The following IPO11 variants were observed in gnomAD, a reference collection of about 807,000 sequenced individuals.
IPO11 encodes the protein importin 11.
Under a neutral mutation model 143.2 loss-of-function variants are expected in IPO11, and 66 were observed. The observed-to-expected ratio is 0.46, with a 90% CI of 0.38 to 0.57. The LOEUF is 0.57. Among genes scored for constraint, IPO11 ranks in the 20% least tolerant of loss-of-function variants. The pLI is 0.00. For missense variants in IPO11, 1,026 were observed against 1,141.0 expected (o/e 0.90, Z 1.45); for synonymous variants, 385 against 377.8 (o/e 1.02, Z -0.22).
chr5:62,603,611 C>T (rs1580377302), intron 29 of IPO11, among the ~76,000 whole-genome samples: 1 of 152,206 alleles, frequency 6.6e-6, no homozygotes, highest in Non-Finnish European at 1.5e-5. Flanking sequence ...CACACACTTA[C>T]ACTCAGATGG....
intron 29 of IPO11, among the ~76,000 whole-genome samples, chr5:62,614,632 A>G (rs1328318136): frequency 6.6e-6 from 1 of 152,204 alleles, no homozygotes; most frequent in Admixed American, 6.5e-5. Flanking sequence ...TGCAGGAGCC[A>G]GGGCAAATAC....
At chr5:62,623,763 T>A (rs1746458067) in intron 29 of IPO11, among the ~76,000 whole-genome samples, 1 of 150,070 alleles carries the variant, frequency 6.7e-6, no homozygotes, top group South Asian at 2.2e-4. Flanking sequence ...TACAGGCACA[T>A]GCCACCATGG....
At chr5:62,508,309 T>G (rs1199896310) in intron 19 of IPO11, among the ~76,000 whole-genome samples, 5 of 150,708 alleles carry the variant, frequency 3.3e-5, no homozygotes, top group African/African-American at 1.2e-4. Flanking sequence ...TTTTTTTTTT[T>G]TTTTTTTTTT....
intron 27 of IPO11, among the ~76,000 whole-genome samples, chr5:62,589,554 C>T (rs1398105871): frequency 6.6e-6 from 1 of 152,198 alleles, no homozygotes. Flanking sequence ...ATCTGTCAAA[C>T]CTACCCCTTT....
intron 1 of IPO11, among the ~76,000 whole-genome samples, chr5:62,436,288 C>T (rs1744230465): frequency 6.6e-6 from 1 of 152,150 alleles, no homozygotes; most frequent in Admixed American, 6.5e-5. Flanking sequence ...AATTCATTTG[C>T]TTTGGCTATA....
At chr5:62,420,625 G>T (rs1214232254) in intron 1 of IPO11, among the ~76,000 whole-genome samples, 1 of 151,500 alleles carries the variant, frequency 6.6e-6, no homozygotes, top group African/African-American at 2.4e-5. Flanking sequence ...TGTCACCCAG[G>T]CTGGAGTGCA....
At chr5:62,584,508 G>A (rs1296518526) in intron 27 of IPO11, among the ~76,000 whole-genome samples, 2 of 151,152 alleles carry the variant, frequency 1.3e-5, no homozygotes, top group African/African-American at 4.9e-5. Flanking sequence ...AGCTACTCAG[G>A]AGGCTGAGGT....
intron 28 of IPO11, among the ~76,000 whole-genome samples, chr5:62,597,191 C>G (rs1745259979): frequency 6.6e-6 from 1 of 151,996 alleles, no homozygotes; most frequent in Non-Finnish European, 1.5e-5. Context: ...AATAAGAAAC[C>G]TTGATTTGGG....
chr5:62,550,452 T>C lies in IPO11; in HGVS notation c.2336T>C (p.Ile779Thr), dbSNP rs200501639. The change falls in exon 25 of 30, where the codon ATA becomes ACA. Residue 779 changes from isoleucine to threonine, a missense_variant. This residue lies in a region of IPO11 where 351 missense variants were observed against 358.9 expected (regional missense o/e 0.98). Coordinates refer to ENST00000325324, the MANE Select transcript of IPO11 (RefSeq NM_016338.5). ...PILPYVFKGI[I>T]EGERYPVVMS... ...TTACCCTATGTTTTCAAGGGTATTA[T>C]AGAAGGGGAGGTAAGATTTTTCTTT... The C allele has an allele frequency of 4.4e-6, 7 of 1,608,340 alleles. No individual in the cohort carries two copies. Among genetic ancestry groups the C allele is most frequent in the African/African-American group, 1.3e-5 (1 of 74,820 alleles).
intron 16 of IPO11, among the ~76,000 whole-genome samples, chr5:62,501,268 A>G (rs1200211848): frequency 1.3e-5 from 2 of 152,170 alleles, no homozygotes; most frequent in African/African-American, 2.4e-5. Context: ...AAACACTGCT[A>G]CAGATCTTGA....
intron 28 of IPO11, among the ~76,000 whole-genome samples, chr5:62,598,379 GCTTGCTTGCTTGC>G (rs1745306737): frequency 4.1e-5 from 2 of 48,574 alleles, no homozygotes; most frequent in African/African-American, 1.8e-4. Context: ...TAAATTGTTT[GCTTGCTTGCTTGC>G]TTTCTTTCTT....
At chr5:62,489,450 A>G in intron 14 of IPO11, 101 bp downstream of exon 14, 1 of 716,626 alleles carries the variant, frequency 1.4e-6, no homozygotes, top group Non-Finnish European at 2.3e-6. Context: ...ATACAAGAGT[A>G]ACTAAAATAC....
At chr5:62,618,603 A>G (rs149477594) in intron 29 of IPO11, among the ~76,000 whole-genome samples, 8 of 152,352 alleles carry the variant, frequency 5.3e-5, no homozygotes, top group African/African-American at 1.7e-4. Context: ...TAGGGATAAG[A>G]AGGCATATAA....
intron 1 of IPO11, chr5:62,418,864 G>A (rs1451831154): frequency 3.5e-6 from 3 of 848,248 alleles, no homozygotes; most frequent in African/African-American, 3.4e-5. Context: ...TTATATGCCT[G>A]TGCAGGGGTT....
chr5:62,626,472 A>G (rs943247840), intron 29 of IPO11, among the ~76,000 whole-genome samples: 5 of 152,238 alleles, frequency 3.3e-5, no homozygotes, highest in Middle Eastern at 3.2e-3. Flanking sequence ...AATCGGGTAT[A>G]TCACACATTG....
At chr5:62,588,561 T>TGG (rs1243418073) in intron 27 of IPO11, among the ~76,000 whole-genome samples, 1 of 152,200 alleles carries the variant, frequency 6.6e-6, no homozygotes, top group African/African-American at 2.4e-5. Context: ...CTTGGTGTTA[T>TGG]GGGGTTTTCT....
chr5:62,550,816 G>T (rs1002925999), intron 25 of IPO11, among the ~76,000 whole-genome samples: 17 of 151,906 alleles, frequency 1.1e-4, no homozygotes, highest in African/African-American at 4.1e-4. Flanking sequence ...TATTTTCTAA[G>T]AACAGCTCTC....
rs1199624803 is a variant in IPO11, at chr5:62,568,593, A to AAAAAAAATTC, written c.2582+7340_2582+7341insAAATTCAAAA. ...TGTCTCCAAAAAAAAAAAAAAAAAA[A>AAAAAAAATTC]AAAATTCAATATCTTTGTTAAATTT... On this transcript the variant is annotated intron_variant, in intron 27 of 29. Transcript: ENST00000325324. Among the ~76,000 whole-genome samples, 242 of 150,870 alleles carry AAAAAAAATTC rather than the reference A, an allele frequency of 1.6e-3. 1 individual carries two copies. The highest frequency in any genetic ancestry group is 5.8e-3 in the African/African-American group (237 of 40,824).
intron 29 of IPO11, among the ~76,000 whole-genome samples, chr5:62,615,134 A>T (rs1040131708): frequency 6.6e-6 from 1 of 151,948 alleles, no homozygotes; most frequent in Non-Finnish European, 1.5e-5. Context: ...GGCCGTATGG[A>T]AACTTTTGGG....
Sources: allele counts gnomAD v4.1 joint callset (sites outside exome capture counted in the v4.1 genomes callset), GRCh38; gene constraint gnomAD v4.1.1; regional missense constraint gnomAD v4.1.1; transcripts MANE v1.5; gene names NCBI Gene and HGNC (gene_info 2026-07-23, HGNC 2026-07-21).